CCNY: variants seen among roughly 807,000 people sequenced by gnomAD.
CCNY encodes the protein cyclin Y.
CCNY carries 19 observed loss-of-function variants against 42.8 expected under a neutral mutation model. The observed-to-expected ratio is 0.44, with a 90% CI of 0.31 to 0.65. CCNY has a LOEUF of 0.65. Among genes scored for constraint, CCNY ranks in the 30% least tolerant of loss-of-function variants. The pLI, the probability that CCNY is intolerant of heterozygous loss-of-function variation, is 0.07. For synonymous variants in CCNY, 165 were observed against 162.7 expected (o/e 1.01, Z -0.11); for missense variants, 370 against 437.3 (o/e 0.85, Z 1.37).
Position 35,568,933 on chromosome 10 carries a change from G to T in CCNY, c.910-121G>T. 4.4e-6 allele frequency: 3 copies of T among 686,312 alleles called. No individual in the cohort carries two copies. The South Asian group carries it at 5.0e-5, about 11-fold the overall frequency. The allele number at this position is 686,312 out of a possible 1,614,324, so 42.5% of individuals were successfully genotyped here. ...CAGCAGAGAGCTGGGCTCTGGGCCG[G>T]AGCTCCACAGGGGCAGGGGCTCTGC... On this transcript the variant is annotated intron_variant, in intron 9 of 9. Coordinates refer to ENST00000374704, the MANE Select transcript of CCNY (RefSeq NM_145012.6).
chr10:35,357,356 C>T (rs1836581102), intron 1 of CCNY, among the ~76,000 whole-genome samples: 1 of 152,210 alleles, frequency 6.6e-6, no homozygotes. Flanking sequence ...CACTACGATG[C>T]CTCCATCACC....
intron 3 of CCNY, among the ~76,000 whole-genome samples, chr10:35,312,010 TTCTTG>T (rs1835690952): frequency 6.6e-6 from 1 of 151,274 alleles, no homozygotes; most frequent in Admixed American, 6.6e-5. Context: ...GTTTGGTTCC[TTCTTG>T]TTAGAATCAA....
At chr10:35,278,558 A>G (rs1835264224) in intron 3 of CCNY, among the ~76,000 whole-genome samples, 1 of 152,198 alleles carries the variant, frequency 6.6e-6, no homozygotes, top group Non-Finnish European at 1.5e-5. Context: ...GCATACAGAA[A>G]GGCTGTCGAG....
At position 35,297,812 on chromosome 10, in the gene CCNY, T is replaced by C. The variant is rs1835489318; in HGVS notation, c.-9+47186T>C. Among the ~76,000 whole-genome samples, 4 of 152,142 alleles carry C rather than the reference T, an allele frequency of 2.6e-5. No individual in the cohort carries two copies. In the South Asian group the frequency reaches 8.3e-4, roughly 32 times the overall value. ...GGTGAAAGATCTCTACAAGAAGAAT[T>C]ACAAAACACTGCTCAAGGAAATCAG... On this transcript the variant is annotated intron_variant, in intron 3 of 11. Transcript: ENST00000374706.
intron 1 of CCNY, among the ~76,000 whole-genome samples, chr10:35,382,694 A>G (rs1837215043): frequency 1.3e-5 from 2 of 152,072 alleles, no homozygotes; most frequent in Non-Finnish European, 2.9e-5. Context: ...AGCTTGAGAC[A>G]CTGACTTAGG....
chr10:35,268,954 C>T (rs536208539), intron 3 of CCNY, among the ~76,000 whole-genome samples: 9 of 152,340 alleles, frequency 5.9e-5, no homozygotes, highest in African/African-American at 2.2e-4. Context: ...CCTGGTAGCC[C>T]TGGAGATCTC....
At chr10:35,255,908 A>G (rs1190904020) in intron 3 of CCNY, among the ~76,000 whole-genome samples, 1 of 152,182 alleles carries the variant, frequency 6.6e-6, no homozygotes, top group Non-Finnish European at 1.5e-5. Context: ...TAATTATTAA[A>G]TCTTCTTGCT....
chr10:35,496,722 G>A (rs1186471033), intron 2 of CCNY, among the ~76,000 whole-genome samples: 2 of 152,158 alleles, frequency 1.3e-5, no homozygotes, highest in Non-Finnish European at 2.9e-5. Flanking sequence ...TCTTTTAAAT[G>A]CCTACCTATG....
At chr10:35,471,795 C>T (rs1252679234) in intron 1 of CCNY, among the ~76,000 whole-genome samples, 1 of 152,194 alleles carries the variant, frequency 6.6e-6, no homozygotes, top group Non-Finnish European at 1.5e-5. Flanking sequence ...GGCTAAGACT[C>T]TGCTTCCTAA....
intron 1 of CCNY, among the ~76,000 whole-genome samples, chr10:35,403,122 A>AG: frequency 7.1e-5 from 1 of 14,034 alleles, no homozygotes; most frequent in South Asian, 3.4e-3. Flanking sequence ...TGTGTAGGGA[A>AG]GGGTGGGGTG....
At chr10:35,425,790 T>C (rs1253735934) in intron 1 of CCNY, among the ~76,000 whole-genome samples, 2 of 152,198 alleles carry the variant, frequency 1.3e-5, no homozygotes, top group East Asian at 3.8e-4. Flanking sequence ...TGTAAATCTG[T>C]ATAAATGTTT....
chr10:35,398,411 T>C (rs1837571410), intron 1 of CCNY, among the ~76,000 whole-genome samples: 1 of 152,342 alleles, frequency 6.6e-6, no homozygotes, highest in Non-Finnish European at 1.5e-5. Context: ...GATTCGGAAA[T>C]GCAGCCTGTG....
intron 1 of CCNY, among the ~76,000 whole-genome samples, chr10:35,425,981 T>C (rs922679357): frequency 2.5e-4 from 38 of 152,060 alleles, no homozygotes; most frequent in Non-Finnish European, 4.9e-4. Flanking sequence ...AGCTTCCTTT[T>C]CACCCTGGGG....
chr10:35,258,240 T>C (rs2095716973), intron 3 of CCNY, among the ~76,000 whole-genome samples: 1 of 152,216 alleles, frequency 6.6e-6, no homozygotes, highest in African/African-American at 2.4e-5. Flanking sequence ...TTTTGTTTAT[T>C]GTTGTTATTG....
In CCNY at chr10:35,530,583, G is replaced by T. The variant is rs1840744993; in HGVS notation, c.579+340G>T. 6.6e-6 allele frequency among the ~76,000 whole-genome samples: 1 copy of T among 152,144 alleles called. No homozygotes were observed. Among genetic ancestry groups the T allele is most frequent in the East Asian group, 1.9e-4 (1 of 5,196 alleles). On this transcript the variant is annotated intron_variant, in intron 7 of 9. Coordinates refer to ENST00000374704, the MANE Select transcript of CCNY (RefSeq NM_145012.6). This position sits in a 1 kb window ranked among gnomAD's most constrained non-coding sequence, Gnocchi z 4.3. ...TCCCTGTATACGTCTAGGTTTCCTG[G>T]TGTTGATTCCCTACAAAGATTGTAA...
chr10:35,270,474 G>A (rs534529238), intron 3 of CCNY, among the ~76,000 whole-genome samples: 121 of 152,134 alleles, frequency 8.0e-4, no homozygotes, highest in African/African-American at 2.6e-3. Flanking sequence ...CTTGTTTCAG[G>A]GTTGATAAAC....
At chr10:35,346,956 ATTG>A (rs1564376579) in intron 1 of CCNY, among the ~76,000 whole-genome samples, 1 of 152,060 alleles carries the variant, frequency 6.6e-6, no homozygotes, top group Admixed American at 6.5e-5. Flanking sequence ...CTTTTTTGTT[ATTG>A]TTTTGTTTTG....
In CCNY at chr10:35,348,797, T is replaced by C. The variant is rs577744302; in HGVS notation, c.154+11590T>C. ...TGGACAGCTAGCATGGCAGTGATTC[T>C]CAGTCAGGGATGGTCTGAATCTGGA... On this transcript the variant is annotated intron_variant, in intron 1 of 9. Transcript: ENST00000374704. 1.3e-3 allele frequency among the ~76,000 whole-genome samples: 204 copies of C among 152,296 alleles called. 2 individuals carry two copies. Among genetic ancestry groups the C allele is most frequent in the Non-Finnish European group, 2.2e-3 (151 of 68,024 alleles).
intron 3 of CCNY, among the ~76,000 whole-genome samples, chr10:35,253,968 C>T (rs1475626678): frequency 4.7e-5 from 7 of 149,876 alleles, no homozygotes; most frequent in South Asian, 2.1e-4. Context: ...CTCTGCCTCC[C>T]GGGTTCACGC....
Sources: gnomAD v4.1 joint callset for allele counts (sites outside exome capture counted in the v4.1 genomes callset) on GRCh38, gnomAD v4.1.1 for gene constraint, Gnocchi (gnomAD v3.1) non-coding constraint, MANE v1.5 for transcripts, NCBI Gene and HGNC (gene_info 2026-07-23, HGNC 2026-07-21) for gene names.